UBAP1: variants seen among roughly 807,000 people sequenced by gnomAD.
UBAP1 encodes the protein ubiquitin-associated protein 1.
UBAP1 carries 5 observed loss-of-function variants against 39.0 expected under a neutral mutation model. That is an observed-to-expected ratio of 0.13 (90% CI 0.07 to 0.27). The LOEUF (loss-of-function observed/expected upper bound fraction) is 0.27. UBAP1 is among the 10% of genes least tolerant of loss of function. The probability of loss-of-function intolerance (pLI) is 1.00; values close to 1 mark genes in which losing one functional copy is unlikely to be tolerated. For synonymous variants in UBAP1, 211 were observed against 225.1 expected (o/e 0.94, Z 0.56); for missense variants, 490 against 608.1 (o/e 0.81, Z 2.04).
intron 1 of UBAP1, among the ~76,000 whole-genome samples, chr9:34,215,674 A>T (rs1485385353): frequency 1.3e-5 from 2 of 152,024 alleles, no homozygotes; most frequent in South Asian, 2.1e-4. Context: ...CCAATAACTT[A>T]TGGAAAAATA....
rs924124032 is a variant in UBAP1, at chr9:34,201,845, C to T, written c.-7-19063C>T. 2.8e-4 allele frequency among the ~76,000 whole-genome samples: 42 copies of T among 152,136 alleles called. 1 individual carries two copies. Among genetic ancestry groups the T allele is most frequent in the African/African-American group, 1.0e-3 (42 of 41,420 alleles). On this transcript the variant is annotated intron_variant, in intron 1 of 6. Transcript: ENST00000297661. ...AGTCTGGGCCTCAAGTGCTTCTGAC[C>T]ACCAGCTTCACTCATGTCAGGGTTC... is the stretch of plus-strand genomic sequence containing the variant.
chr9:34,227,274 G>T (rs1380680626), intron 2 of UBAP1, among the ~76,000 whole-genome samples: 1 of 151,950 alleles, frequency 6.6e-6, no homozygotes, highest in Non-Finnish European at 1.5e-5. Flanking sequence ...TACCTGGCTT[G>T]TGGCTTTAAG....
chr9:34,194,890 A>G (rs1468907573), intron 1 of UBAP1, among the ~76,000 whole-genome samples: 1 of 152,182 alleles, frequency 6.6e-6, no homozygotes, highest in Non-Finnish European at 1.5e-5. Flanking sequence ...CTGATGAGCC[A>G]CTACCATTGG....
chr9:34,215,770 T>C (rs13293392), intron 1 of UBAP1, among the ~76,000 whole-genome samples: 6,200 of 151,754 alleles, frequency 0.041, 166 homozygotes, highest in Middle Eastern at 0.075. Flanking sequence ...CACACACACA[T>C]ACATGTATGT....
rs1200026962 is a variant in UBAP1 at position 34,252,252 on chromosome 9, T to G, written c.*720T>G. The G allele has an allele frequency of 6.5e-6, 1 of 152,684 alleles. No homozygotes were observed. Among genetic ancestry groups the G allele is most frequent in the South Asian group, 2.1e-4 (1 of 4,816 alleles). The allele number at this position is 152,684 out of a possible 1,614,324, so 9.5% of individuals were successfully genotyped here. The stretch of plus-strand genomic sequence containing the variant: ...AATCATTGGCCCCTTCCCAGCACAT[T>G]GAATGGGTAAGCAGACAGGCCATGA... On this transcript the variant is annotated 3_prime_UTR_variant, in exon 7 of 7. Coordinates refer to ENST00000297661, the MANE Select transcript of UBAP1 (RefSeq NM_016525.5).
intron 1 of UBAP1, among the ~76,000 whole-genome samples, chr9:34,203,419 T>C (rs185317901): frequency 2.0e-5 from 3 of 152,344 alleles, no homozygotes; most frequent in East Asian, 1.9e-4. Context: ...ATACGAGAAC[T>C]TGGAATTCAG....
At chr9:34,242,506 T>C (rs1834010851) in intron 4 of UBAP1, among the ~76,000 whole-genome samples, 1 of 151,962 alleles carries the variant, frequency 6.6e-6, no homozygotes, top group Non-Finnish European at 1.5e-5. Flanking sequence ...CAAGAACCTT[T>C]TGCTACACCA....
At chr9:34,212,932 A>G (rs949282500) in intron 1 of UBAP1, among the ~76,000 whole-genome samples, 2 of 152,226 alleles carry the variant, frequency 1.3e-5, no homozygotes, top group East Asian at 1.9e-4. Context: ...CTTGATGAAC[A>G]TAGATGCTAA....
At chr9:34,230,736 G>A (rs1833363575) in intron 2 of UBAP1, among the ~76,000 whole-genome samples, 2 of 152,104 alleles carry the variant, frequency 1.3e-5, no homozygotes, top group Non-Finnish European at 1.5e-5. Flanking sequence ...GGTGGTGCTG[G>A]GGCGGGGGAT....
intron 1 of UBAP1, among the ~76,000 whole-genome samples, chr9:34,210,330 T>G (rs1831945140): frequency 6.6e-6 from 1 of 152,204 alleles, no homozygotes; most frequent in Non-Finnish European, 1.5e-5. Context: ...TTAACCTGAC[T>G]GAAAGCAAGG....
At position 34,215,752 on chromosome 9, in the gene UBAP1, T is replaced by TAC. The variant is rs146016170; in HGVS notation, c.-7-5140_-7-5139dup. ...TGAAACGTGTGTACATATATATATG[T>TAC]ACACACACACACACACATACATGTA... On this transcript the variant is annotated intron_variant, in intron 1 of 6. Coordinates refer to ENST00000297661, the MANE Select transcript of UBAP1 (RefSeq NM_016525.5). 2.7e-3 allele frequency among the ~76,000 whole-genome samples: 399 copies of TAC among 150,312 alleles called. 2 individuals are homozygous for TAC. Among genetic ancestry groups the TAC allele is most frequent in the Middle Eastern group, 0.014 (4 of 288 alleles).
At chr9:34,218,563 T>G (rs1003964638) in intron 1 of UBAP1, among the ~76,000 whole-genome samples, 1 of 152,136 alleles carries the variant, frequency 6.6e-6, no homozygotes, top group Non-Finnish European at 1.5e-5. Context: ...CTTTCCCAAT[T>G]TAGGAAAACA....
chr9:34,209,837 T>C (rs1831919834), intron 1 of UBAP1, among the ~76,000 whole-genome samples: 1 of 152,166 alleles, frequency 6.6e-6, no homozygotes, highest in African/African-American at 2.4e-5. Flanking sequence ...GTGTTGATCA[T>C]AGATAAATGT....
intron 3 of UBAP1, among the ~76,000 whole-genome samples, chr9:34,234,571 A>C (rs1018705306): frequency 2.0e-5 from 3 of 152,142 alleles, no homozygotes; most frequent in African/African-American, 7.2e-5. Context: ...ACTTGAGCTC[A>C]GGAGTTTGAG....
intron 1 of UBAP1, among the ~76,000 whole-genome samples, chr9:34,189,242 G>A (rs1830581687): frequency 6.7e-6 from 1 of 150,150 alleles, no homozygotes; most frequent in Admixed American, 6.7e-5. Context: ...AGCTTGGAGT[G>A]CAGTGGTGCG....
chr9:34,241,787 C>A lies in UBAP1; in HGVS notation c.762C>A (p.Leu254=), dbSNP rs536841538. ...EKMSLSSKVS[L]PPIPAVSNIK... The stretch of plus-strand genomic sequence containing the variant: ...TGTCACTGTCTTCCAAAGTGTCCCT[C>A]CCCCCTATACCTGCAGTAAGCAATA... Residue 254 remains leucine (L), a synonymous_variant, in exon 4 of 7, where the codon CTC becomes CTA. Coordinates refer to ENST00000297661, the MANE Select transcript of UBAP1 (RefSeq NM_016525.5). 2 of 1,614,006 alleles carry A rather than the reference C, an allele frequency of 1.2e-6. No individual in the cohort carries two copies. Among genetic ancestry groups the A allele is most frequent in the Non-Finnish European group, 1.7e-6 (2 of 1,179,990 alleles).
intron 2 of UBAP1, among the ~76,000 whole-genome samples, chr9:34,230,791 C>A (rs1437869487): frequency 1.3e-5 from 2 of 152,156 alleles, no homozygotes; most frequent in Non-Finnish European, 2.9e-5. Flanking sequence ...AGATCTCAGA[C>A]ATATGCTTGT....
intron 1 of UBAP1, among the ~76,000 whole-genome samples, chr9:34,185,486 C>T (rs1195781855): frequency 6.6e-6 from 1 of 152,112 alleles, no homozygotes; most frequent in Non-Finnish European, 1.5e-5. Context: ...GAAGTCGAGG[C>T]TGCAGTGAGC....
chr9:34,216,024 G>A (rs1832293026), intron 1 of UBAP1, among the ~76,000 whole-genome samples: 1 of 151,940 alleles, frequency 6.6e-6, no homozygotes, highest in African/African-American at 2.4e-5. Context: ...TACTAATAAA[G>A]AGAACTGTAT....
Sources: allele counts gnomAD v4.1 joint callset (sites outside exome capture counted in the v4.1 genomes callset), GRCh38; gene constraint gnomAD v4.1.1; transcripts MANE v1.5; gene names NCBI Gene and HGNC (gene_info 2026-07-23, HGNC 2026-07-21).